Variants in PACRG observed in about 807,000 individuals in gnomAD.
PACRG encodes parkin coregulated gene protein.
Under a neutral mutation model 29.7 loss-of-function variants are expected in PACRG, and 29 were observed. That is an observed-to-expected ratio of 0.98 (90% CI 0.73 to 1.33). PACRG has a LOEUF of 1.33. Among genes scored for constraint, PACRG ranks in the 40% most tolerant of loss-of-function variants. The pLI is 0.00. For synonymous variants in PACRG, 116 were observed against 118.7 expected (o/e 0.98, Z 0.15); for missense variants, 279 against 316.2 (o/e 0.88, Z 0.89).
intron 2 of PACRG, among the ~76,000 whole-genome samples, chr6:163,024,710 AT>A (rs78603533): frequency 1.6e-4 from 24 of 151,746 alleles, no homozygotes; most frequent in East Asian, 9.7e-4. Flanking sequence ...TGAACATGAG[AT>A]TTTTTTTTAT....
chr6:163,017,562 C>T (rs140063021), intron 2 of PACRG, among the ~76,000 whole-genome samples: 13 of 152,234 alleles, frequency 8.5e-5, no homozygotes, highest in African/African-American at 3.1e-4. Flanking sequence ...GTAAGGCATA[C>T]TCTGGGTCCT....
At chr6:163,026,206 G>A (rs1424649159) in intron 2 of PACRG, among the ~76,000 whole-genome samples, 2 of 152,148 alleles carry the variant, frequency 1.3e-5, no homozygotes, top group East Asian at 3.9e-4. Flanking sequence ...TTATCTCACT[G>A]AAAGCCTTGT....
At chr6:163,266,984 G>A (rs1428202574) in intron 4 of PACRG, among the ~76,000 whole-genome samples, 4 of 152,170 alleles carry the variant, frequency 2.6e-5, no homozygotes, top group Admixed American at 6.5e-5. Flanking sequence ...AGGAAGCTGC[G>A]TGCCCAGAGC....
chr6:162,999,579 G>C (rs923144015), intron 2 of PACRG, among the ~76,000 whole-genome samples: 1 of 152,158 alleles, frequency 6.6e-6, no homozygotes, highest in Non-Finnish European at 1.5e-5. Flanking sequence ...AAACAAGACT[G>C]GCTTGGCCTT....
intron 4 of PACRG, among the ~76,000 whole-genome samples, chr6:163,178,018 G>C (rs1779469438): frequency 6.6e-6 from 1 of 152,116 alleles, no homozygotes; most frequent in African/African-American, 2.4e-5. Context: ...GGGGACTCAA[G>C]ACAGAACAAG....
At chr6:162,790,734 A>G (rs1168369856) in intron 1 of PACRG, among the ~76,000 whole-genome samples, 1 of 152,154 alleles carries the variant, frequency 6.6e-6, no homozygotes, top group East Asian at 1.9e-4. Flanking sequence ...TCTTTTTGGA[A>G]GAAGAGTGCT....
At chr6:162,875,464 C>T (rs1793259594) in intron 2 of PACRG, among the ~76,000 whole-genome samples, 1 of 152,222 alleles carries the variant, frequency 6.6e-6, no homozygotes, top group Non-Finnish European at 1.5e-5. Flanking sequence ...CACAGACATT[C>T]ACACACACAT....
chr6:163,167,683 GA>G (rs563354231), intron 4 of PACRG, among the ~76,000 whole-genome samples: 130 of 152,088 alleles, frequency 8.5e-4, no homozygotes, highest in African/African-American at 2.6e-3. Flanking sequence ...TTTCTAAAAT[GA>G]AAAAAATAGA....
intron 4 of PACRG, among the ~76,000 whole-genome samples, chr6:163,253,100 C>G (rs937345879): frequency 1.3e-5 from 2 of 151,166 alleles, no homozygotes; most frequent in African/African-American, 4.9e-5. Flanking sequence ...AGGTCGAGAC[C>G]AGCCTGGCCA....
intron 4 of PACRG, among the ~76,000 whole-genome samples, chr6:163,187,051 C>G (rs1406636614): frequency 6.6e-6 from 1 of 152,260 alleles, no homozygotes; most frequent in African/African-American, 2.4e-5. Context: ...TCAAGCTCCA[C>G]AGGGTCCCGG....
At chr6:162,819,197 G>A (rs1453483053) in intron 2 of PACRG, among the ~76,000 whole-genome samples, 1 of 152,112 alleles carries the variant, frequency 6.6e-6, no homozygotes, top group Non-Finnish European at 1.5e-5. Context: ...ATGGACTTAG[G>A]TGGCCTCTAC....
chr6:162,860,846 A>T (rs1791799391), intron 2 of PACRG, among the ~76,000 whole-genome samples: 1 of 152,192 alleles, frequency 6.6e-6, no homozygotes, highest in Admixed American at 6.5e-5. Context: ...AAGAATTTCC[A>T]TGTTGAGGGT....
At chr6:163,232,779 G>A (rs1782095408) in intron 4 of PACRG, among the ~76,000 whole-genome samples, 1 of 152,176 alleles carries the variant, frequency 6.6e-6, no homozygotes, top group Admixed American at 6.5e-5. Flanking sequence ...TCCAGGCATG[G>A]CCTGAGAGCA....
chr6:163,109,992 C>T (rs1358030952), intron 4 of PACRG, among the ~76,000 whole-genome samples: 1 of 152,046 alleles, frequency 6.6e-6, no homozygotes, highest in Non-Finnish European at 1.5e-5. Context: ...AGAGCTTGAC[C>T]ACTGAGATTT....
intron 2 of PACRG, among the ~76,000 whole-genome samples, chr6:163,026,366 G>A (rs1422494300): frequency 6.6e-6 from 1 of 152,154 alleles, no homozygotes; most frequent in African/African-American, 2.4e-5. Flanking sequence ...TTTTGGTGCA[G>A]TTTAACTATG....
At chr6:162,970,776 C>T (rs772669619) in intron 2 of PACRG, among the ~76,000 whole-genome samples, 39 of 152,276 alleles carry the variant, frequency 2.6e-4, no homozygotes, top group Middle Eastern at 3.4e-3. Flanking sequence ...AAATACTTCT[C>T]ATCACAATTC....
intron 4 of PACRG, among the ~76,000 whole-genome samples, chr6:163,269,987 GA>G (rs1562350503): frequency 1.7e-4 from 17 of 102,036 alleles, no homozygotes; most frequent in South Asian, 3.7e-4. Flanking sequence ...AAGAAAGAAA[GA>G]AAGAAAGAAA....
chr6:163,304,391 T>G (rs1232028125), intron 4 of PACRG, among the ~76,000 whole-genome samples: 2 of 152,222 alleles, frequency 1.3e-5, no homozygotes, highest in Non-Finnish European at 2.9e-5. Context: ...AGCAATTTAC[T>G]TATACTTTCA....
chr6:162,730,546 T>C (rs1779683251), intron 1 of PACRG, among the ~76,000 whole-genome samples: 1 of 152,162 alleles, frequency 6.6e-6, no homozygotes, highest in Non-Finnish European at 1.5e-5. Context: ...CTGAGTGCGA[T>C]AGTGATACAA....
Sources: allele counts gnomAD v4.1 joint callset (sites outside exome capture counted in the v4.1 genomes callset), GRCh38; gene constraint gnomAD v4.1.1; transcripts MANE v1.5; gene names NCBI Gene and HGNC (gene_info 2026-07-23, HGNC 2026-07-21).